The following SLC20A2 variants were observed in gnomAD, a reference collection of about 807,000 sequenced individuals.
SLC20A2 encodes sodium-dependent phosphate transporter 2.
SLC20A2 carries 30 observed loss-of-function variants against 61.0 expected under a neutral mutation model. The observed-to-expected ratio is 0.49, with a 90% CI of 0.37 to 0.67. SLC20A2 has a LOEUF of 0.67. Ranked by LOEUF, SLC20A2 falls within the 30% of genes least tolerant of loss-of-function variation. SLC20A2 has a pLI of 0.00. For synonymous variants in SLC20A2, 351 were observed against 353.3 expected (o/e 0.99, Z 0.07); for missense variants, 626 against 866.4 (o/e 0.72, Z 3.48).
At chr8:42,539,712 AAG>A (rs1196849342) in intron 1 of SLC20A2, among the ~76,000 whole-genome samples, 7 of 152,294 alleles carry the variant, frequency 4.6e-5, no homozygotes, top group South Asian at 2.1e-4. Flanking sequence ...TAAATATGGA[AAG>A]AGGGGGCCAT....
At chr8:42,458,110 C>T (rs1177227643) in intron 5 of SLC20A2, among the ~76,000 whole-genome samples, 1 of 152,114 alleles carries the variant, frequency 6.6e-6, no homozygotes, top group Admixed American at 6.6e-5. Flanking sequence ...CCATAACAGA[C>T]ATTAAGAAGA....
chr8:42,526,621 C>T (rs1336449070), intron 1 of SLC20A2, among the ~76,000 whole-genome samples: 2 of 148,834 alleles, frequency 1.3e-5, no homozygotes, highest in South Asian at 2.1e-4. Context: ...TGCAGTGAGC[C>T]GAGATCGCGC....
In SLC20A2 at chr8:42,472,211, C is replaced by A. The variant is rs1190689248; in HGVS notation, c.180G>T (p.Val60=). The A allele has an allele frequency of 6.2e-6, 10 of 1,614,064 alleles. No individual in the cohort carries two copies. The highest frequency in any genetic ancestry group is 1.3e-5 in the African/African-American group (1 of 74,928). Reference sequence around the variant, plus strand: ...TTTCTCCTACTTTGGCGCCTAGTAACACGGAGCCGGTGGTTTCAAATATTG... The same window carrying A: ...TTTCTCCTACTTTGGCGCCTAGTAAAACGGAGCCGGTGGTTTCAAATATTG... The part of the protein sequence containing the change: ...LASIFETTGS[V]LLGAKVGETI... Residue 60 remains valine, a synonymous_variant, in exon 2 of 11, where the codon GTG becomes GTT. Transcript: ENST00000520262. This position sits in a 1 kb window ranked among gnomAD's most constrained non-coding sequence, Gnocchi z 4.1.
At chr8:42,533,409 A>T (rs1812464962) in intron 1 of SLC20A2, among the ~76,000 whole-genome samples, 1 of 152,050 alleles carries the variant, frequency 6.6e-6, no homozygotes, top group Admixed American at 6.5e-5. Flanking sequence ...TGAGGCCAGG[A>T]GTTCAAGACC....
chr8:42,541,380 C>T (rs1206901659), intron 1 of SLC20A2: 1 of 147,476 alleles, frequency 6.8e-6, no homozygotes, highest in Non-Finnish European at 1.5e-5. Flanking sequence ...GCCGGGGGCT[C>T]GCGGGAGGCG....
intron 1 of SLC20A2, among the ~76,000 whole-genome samples, chr8:42,509,172 G>C (rs1392793976): frequency 6.6e-6 from 1 of 152,162 alleles, no homozygotes; most frequent in Non-Finnish European, 1.5e-5. Context: ...GATATAGATA[G>C]GCATGTATGA....
chr8:42,435,806 C>T (rs937781195), intron 8 of SLC20A2, among the ~76,000 whole-genome samples: 2 of 152,166 alleles, frequency 1.3e-5, no homozygotes, highest in Non-Finnish European at 2.9e-5. Context: ...GGAGCCTTCT[C>T]ACTGGGGTTG....
chr8:42,486,408 G>C (rs115962659), intron 1 of SLC20A2, among the ~76,000 whole-genome samples: 1,593 of 152,230 alleles, frequency 0.01, 31 homozygotes, highest in African/African-American at 0.036. Flanking sequence ...TGTTGCCCAG[G>C]CTGGCCTAGA....
rs759848142 is a variant in SLC20A2, at chr8:42,460,010, G to A, written c.517-18C>T. The A allele has an allele frequency of 5.6e-6, 8 of 1,417,268 alleles. No homozygotes were observed. Among genetic ancestry groups the A allele is most frequent in the Admixed American group, 1.7e-5 (1 of 59,172 alleles). 87.8% of individuals were successfully genotyped at this position (1,417,268 alleles called of 1,614,324 possible). ...GGGTCTTCCTGTAGGAAGACAAGGA[G>A]ACAGAGTGGAAGGTCAGGATCCCAG... On this transcript the variant is annotated intron_variant, in intron 4 of 10. Transcript: ENST00000520262.
intron 6 of SLC20A2, among the ~76,000 whole-genome samples, chr8:42,443,962 C>G (rs1183248795): frequency 6.6e-6 from 1 of 152,188 alleles, no homozygotes; most frequent in African/African-American, 2.4e-5. Flanking sequence ...CGTCAGGTCC[C>G]CAGCAGTTCA....
At chr8:42,455,257 T>TATATATATATAGAG (rs1357416749) in intron 5 of SLC20A2, among the ~76,000 whole-genome samples, 10 of 81,620 alleles carry the variant, frequency 1.2e-4, no homozygotes, top group African/African-American at 3.5e-4. Context: ...TATATATATA[T>TATATATATATAGAG]AGAGAGAGAG....
At chr8:42,425,455 G>A (rs16891309) in intron 10 of SLC20A2, among the ~76,000 whole-genome samples, 2,689 of 152,300 alleles carry the variant, frequency 0.018, 63 homozygotes, top group African/African-American at 0.06. Flanking sequence ...ATGGGGTAAT[G>A]ACAACTGTGA....
At chr8:42,481,034 C>T (rs1000718334) in intron 1 of SLC20A2, among the ~76,000 whole-genome samples, 2 of 152,144 alleles carry the variant, frequency 1.3e-5, no homozygotes, top group African/African-American at 4.8e-5. Context: ...CCTCATCTTC[C>T]TTATCCTTCT....
At chr8:42,434,088 C>T (rs1804061160) in intron 8 of SLC20A2, among the ~76,000 whole-genome samples, 1 of 151,946 alleles carries the variant, frequency 6.6e-6, no homozygotes, top group African/African-American at 2.4e-5. Context: ...GAGAGAGTCT[C>T]CCTCTGTTGC....
rs1030411891 is a variant in SLC20A2 at position 42,465,996 on chromosome 8, C to T, written c.290-79G>A. ...CCAAGGGAAGAAATCCAAATGTTTT[C>T]CATAACAACATCTCCCAGAGTTTAA... is the stretch of plus-strand genomic sequence containing the variant. On this transcript the variant is annotated intron_variant, in intron 2 of 10. Transcript: ENST00000520262. 3.9e-6 allele frequency: 5 copies of T among 1,276,194 alleles called. No individual in the cohort carries two copies. The African/African-American group carries it at 4.6e-5, about 12-fold the overall frequency. The allele number at this position is 1,276,194 out of a possible 1,614,324, so 79.1% of individuals were successfully genotyped here.
intron 5 of SLC20A2, among the ~76,000 whole-genome samples, chr8:42,456,330 C>A (rs576390672): frequency 8.5e-5 from 13 of 152,218 alleles, no homozygotes; most frequent in African/African-American, 2.9e-4. Flanking sequence ...CAGAAGGCGT[C>A]CTCAGCTTTC....
In SLC20A2 at chr8:42,514,099, GA is replaced by G. The variant is rs541473437; in HGVS notation, c.-265+27721del. ...TGTAGCTCTGAGGCTCTCAACTCTG[GA>G]TACACATTAAAATCTCCTGAGAAGC... On this transcript the variant is annotated intron_variant, in intron 1 of 10. Coordinates refer to the SLC20A2 transcript ENST00000342228. Among the ~76,000 whole-genome samples, 109 of 152,262 alleles carry G rather than the reference GA, an allele frequency of 7.2e-4. 1 individual carries two copies. The highest frequency in any genetic ancestry group is 1.6e-3 in the Admixed American group (25 of 15,286).
rs1321265849 is a variant in SLC20A2 at position 42,472,404 on chromosome 8, T to A, written c.-14A>T. 7 of 1,602,154 alleles carry A rather than the reference T, an allele frequency of 4.4e-6. No individual in the cohort carries two copies. The South Asian group carries it at 6.7e-5, about 15-fold the overall frequency. On this transcript the variant is annotated 5_prime_UTR_variant, in exon 2 of 11. Coordinates refer to ENST00000520262, the MANE Select transcript of SLC20A2 (RefSeq NM_001257180.2). The surrounding 1 kb of genome is among the most constrained non-coding windows in gnomAD (Gnocchi z 4.1). The stretch of plus-strand genomic sequence containing the variant: ...ATCCATGGCCATTTTGGAAAGTGGG[T>A]GCCGGGTACTTTTCTTTTGCAGGAA...
At chr8:42,498,218 C>T (rs919176384) in intron 1 of SLC20A2, among the ~76,000 whole-genome samples, 1 of 152,212 alleles carries the variant, frequency 6.6e-6, no homozygotes, top group African/African-American at 2.4e-5. Context: ...GAAGCTTCTC[C>T]TCTTTGTAGG....
Sources: allele counts gnomAD v4.1 joint callset (sites outside exome capture counted in the v4.1 genomes callset), GRCh38; gene constraint gnomAD v4.1.1; non-coding constraint Gnocchi (gnomAD v3.1); transcripts MANE v1.5; gene names NCBI Gene and HGNC (gene_info 2026-07-23, HGNC 2026-07-21).